ARMC3: variants seen among roughly 807,000 people sequenced by gnomAD.
ARMC3 encodes armadillo repeat containing 3.
In ARMC3, 74 loss-of-function variants were observed where a neutral mutation model predicts 90.3. That is an observed-to-expected ratio of 0.82 (90% confidence interval 0.68 to 0.99). The LOEUF is 0.99. ARMC3 is among the 50% of genes least tolerant of loss of function. The pLI, the probability that ARMC3 is intolerant of heterozygous loss-of-function variation, is 0.00. For missense variants in ARMC3, 958 were observed against 1,042.8 expected, an observed-to-expected ratio of 0.92 and a Z score of 1.12; for synonymous variants, 334 against 361.8, an observed-to-expected ratio of 0.92 and a Z score of 0.87.
intron 18 of ARMC3, among the ~76,000 whole-genome samples, chr10:23,035,853 C>G (rs1839106661): frequency 6.6e-6 from 1 of 152,108 alleles, no homozygotes. Context: ...TTTGCCAAGC[C>G]CTTCCATCTG....
At chr10:23,012,889 CTTT>C (rs553944945) in intron 16 of ARMC3, among the ~76,000 whole-genome samples, 2 of 134,460 alleles carry the variant, frequency 1.5e-5, no homozygotes, top group Non-Finnish European at 1.6e-5. Flanking sequence ...TAGCCCCCAC[CTTT>C]TTTTTTTTTT....
intron 16 of ARMC3, among the ~76,000 whole-genome samples, chr10:23,010,691 C>T (rs1446540814): frequency 1.9e-5 from 2 of 104,000 alleles, no homozygotes; most frequent in Non-Finnish European, 4.0e-5. Flanking sequence ...CCCTTCCTTC[C>T]TTTCCCTTCC....
At chr10:22,963,946 A>C (rs1311523330) in intron 7 of ARMC3, among the ~76,000 whole-genome samples, 8,164 of 143,590 alleles carry the variant, frequency 0.057, 332 homozygotes, top group Middle Eastern at 0.11. Flanking sequence ...AAAAAAAAAA[A>C]AAAAGACTAA....
chr10:22,931,491 G>A (rs1009929307), intron 1 of ARMC3, among the ~76,000 whole-genome samples: 1 of 152,150 alleles, frequency 6.6e-6, no homozygotes, highest in African/African-American at 2.4e-5. Flanking sequence ...TACCATTTAT[G>A]AGATCATTAC....
intron 2 of ARMC3, among the ~76,000 whole-genome samples, chr10:22,937,715 C>T (rs1244441637): frequency 6.6e-6 from 1 of 152,146 alleles, no homozygotes; most frequent in Non-Finnish European, 1.5e-5. Context: ...AGCCCTCTCT[C>T]CTGACATCAG....
chr10:22,958,748 G>T (rs1009292398), intron 4 of ARMC3, among the ~76,000 whole-genome samples: 13 of 152,102 alleles, frequency 8.5e-5, no homozygotes, highest in Non-Finnish European at 1.0e-4. Context: ...TCGAGACAGG[G>T]TCTCACTCTG....
At chr10:22,995,037 C>T (rs1027298859) in intron 10 of ARMC3, among the ~76,000 whole-genome samples, 2 of 151,932 alleles carry the variant, frequency 1.3e-5, no homozygotes. Context: ...GACATATGGC[C>T]CTATAATTCT....
chr10:23,015,305 G>A (rs1838226385), intron 16 of ARMC3, among the ~76,000 whole-genome samples: 1 of 152,114 alleles, frequency 6.6e-6, no homozygotes, highest in Non-Finnish European at 1.5e-5. Flanking sequence ...ACACTCATAG[G>A]AGACGTGATT....
At chr10:22,930,914 C>T (rs1307878382) in intron 1 of ARMC3, among the ~76,000 whole-genome samples, 2 of 151,090 alleles carry the variant, frequency 1.3e-5, no homozygotes, top group East Asian at 3.9e-4. Context: ...TTCTAATAGA[C>T]ATTAACATCT....
chr10:23,010,411 C>A (rs1837881782), intron 16 of ARMC3, among the ~76,000 whole-genome samples: 1 of 67,592 alleles, frequency 1.5e-5, no homozygotes, highest in Non-Finnish European at 3.3e-5. Flanking sequence ...CTCTCCTCCC[C>A]TTTCCCTCCC....
chr10:23,025,517 C>T (rs1838683370), intron 16 of ARMC3, among the ~76,000 whole-genome samples: 1 of 151,804 alleles, frequency 6.6e-6, no homozygotes, highest in Non-Finnish European at 1.5e-5. Context: ...AAAAGGACAT[C>T]TCAAAAAAAA....
chr10:22,979,233 T>C (rs1294008621), intron 8 of ARMC3, among the ~76,000 whole-genome samples: 1 of 152,220 alleles, frequency 6.6e-6, no homozygotes, highest in African/African-American at 2.4e-5. Context: ...ATTATGCTAT[T>C]AGTAGCATAA....
chr10:23,002,057 T>C lies in ARMC3; in HGVS notation c.1562+2T>C, dbSNP rs1837319211. The C allele has an allele frequency of 2.5e-6, 4 of 1,612,884 alleles. No homozygotes were observed. The highest frequency in any genetic ancestry group is 3.4e-6 in the Non-Finnish European group (4 of 1,179,492). ...GGCCAATGAATTATGCAGGCTCGGG[T>C]GAGTGGATGCCATCTCAAGTTTCTG... On this transcript the variant is annotated splice_donor_variant, in intron 12 of 18. Coordinates refer to ENST00000298032, the MANE Select transcript of ARMC3 (RefSeq NM_173081.5). LOFTEE classifies it high-confidence loss of function.
chr10:22,959,402 A>G lies in ARMC3; in HGVS notation c.365A>G (p.Glu122Gly). 1.2e-5 allele frequency: 19 copies of G among 1,600,856 alleles called. No homozygotes were observed. Among genetic ancestry groups the G allele is most frequent in the Non-Finnish European group, 1.6e-5 (19 of 1,175,896 alleles). ...GTTATTTATTTTTGATACACAGAAG[A>G]AGTAGTTATCCATGAGTTTGCTAGT... ...SVIAQLAPEE[E>G]VVIHEFASLC... The change falls in exon 6 of 19, where the codon GAA becomes GGA. Residue 122 changes from glutamate to glycine, a missense_variant. By Grantham distance (98) the Glu-to-Gly change is moderately conservative. Coordinates refer to ENST00000298032, the MANE Select transcript of ARMC3 (RefSeq NM_173081.5).
In ARMC3 at chr10:22,996,466, G is replaced by T. The variant is rs189414674; in HGVS notation, c.1176-1682G>T. 5.9e-5 allele frequency among the ~76,000 whole-genome samples: 9 copies of T among 152,242 alleles called. No individual in the cohort carries two copies. The East Asian group carries it at 9.6e-4, about 16-fold the overall frequency. ...ATCTAACCAAATTTTAATTTTAAGG[G>T]ACGTCATCCTAGAGAAAGAATGGGA... On this transcript the variant is annotated intron_variant, in intron 10 of 18. Coordinates refer to ENST00000298032, the MANE Select transcript of ARMC3 (RefSeq NM_173081.5).
At chr10:22,951,047 C>G (rs1352535515) in intron 3 of ARMC3, among the ~76,000 whole-genome samples, 1 of 151,780 alleles carries the variant, frequency 6.6e-6, no homozygotes, top group Non-Finnish European at 1.5e-5. Context: ...ACGCCATTCT[C>G]CTGCCTCAGC....
At chr10:22,953,700 G>C (rs1267115645) in intron 3 of ARMC3, among the ~76,000 whole-genome samples, 1 of 152,120 alleles carries the variant, frequency 6.6e-6, no homozygotes, top group Non-Finnish European at 1.5e-5. Flanking sequence ...GCAAGGAAAA[G>C]AAATAGAAGG....
intron 16 of ARMC3, among the ~76,000 whole-genome samples, chr10:23,027,304 C>A (rs1838748313): frequency 6.6e-6 from 1 of 152,154 alleles, no homozygotes. Flanking sequence ...CTTTCCTTAG[C>A]ATTTTTAATA....
chr10:22,963,927 A>C (rs1255359131), intron 7 of ARMC3, among the ~76,000 whole-genome samples: 180 of 96,444 alleles, frequency 1.9e-3, no homozygotes, highest in African/African-American at 8.8e-3. Flanking sequence ...ACACACAAAA[A>C]AAAAAAAAAA....
Sources: allele counts gnomAD v4.1 joint callset (sites outside exome capture counted in the v4.1 genomes callset), GRCh38; gene constraint gnomAD v4.1.1; transcripts MANE v1.5; gene names NCBI Gene and HGNC (gene_info 2026-07-23, HGNC 2026-07-21).